The following UBTD1 variants were observed in gnomAD, a reference collection of about 807,000 sequenced individuals.
The protein encoded by UBTD1 is ubiquitin domain-containing protein 1.
UBTD1 carries 19 observed loss-of-function variants against 21.7 expected under a neutral mutation model. That is an observed-to-expected ratio of 0.87 (90% CI 0.61 to 1.28). UBTD1 has a LOEUF of 1.28. Ranked by LOEUF, UBTD1 falls within the 50% of genes most tolerant of loss-of-function variation. The pLI is 0.00. For synonymous variants in UBTD1, 116 were observed against 135.1 expected (o/e 0.86, Z 0.98); for missense variants, 282 against 315.1 (o/e 0.89, Z 0.80).
At chr10:97,538,524 T>G (rs914385462) in intron 1 of UBTD1, among the ~76,000 whole-genome samples, 1 of 152,208 alleles carries the variant, frequency 6.6e-6, no homozygotes, top group Non-Finnish European at 1.5e-5. Context: ...CTTGTGTGTA[T>G]CATTTGTGTG....
intron 1 of UBTD1, among the ~76,000 whole-genome samples, chr10:97,529,651 A>T (rs2040518299): frequency 6.6e-6 from 1 of 152,064 alleles, no homozygotes; most frequent in Non-Finnish European, 1.5e-5. Flanking sequence ...AGGCTGAGGC[A>T]GGAGAATCAG....
chr10:97,558,124 C>G (rs2040673735), intron 1 of UBTD1, among the ~76,000 whole-genome samples: 1 of 151,740 alleles, frequency 6.6e-6, no homozygotes, highest in African/African-American at 2.4e-5. Flanking sequence ...CGAAGCTGCT[C>G]CCATCCACGT....
intron 1 of UBTD1, among the ~76,000 whole-genome samples, chr10:97,530,590 G>A (rs937962699): frequency 1.3e-5 from 2 of 152,102 alleles, no homozygotes; most frequent in Non-Finnish European, 2.9e-5. Context: ...CGATTTCTAA[G>A]GATAGAACCT....
In UBTD1 at chr10:97,557,402, A is replaced by G. The variant is rs1307105206; in HGVS notation, c.71-10512A>G. Among the ~76,000 whole-genome samples the G allele has an allele frequency of 2.6e-5, 4 of 152,164 alleles. No individual in the cohort carries two copies. In the East Asian group the frequency reaches 7.7e-4, roughly 29 times the overall value. ...AGGGGTTTGTGATTATCAATTCTAA[A>G]AGGTTGCAGCTCCCACTCGTGCAGG... On this transcript the variant is annotated intron_variant, in intron 1 of 2. Transcript: ENST00000370664.
At chr10:97,548,752 G>C (rs1405827746) in intron 1 of UBTD1, among the ~76,000 whole-genome samples, 2 of 152,212 alleles carry the variant, frequency 1.3e-5, no homozygotes, top group Non-Finnish European at 2.9e-5. Flanking sequence ...ACTCTGGTCT[G>C]GGCAACAGAG....
At chr10:97,511,803 G>A (rs1413447011) in intron 1 of UBTD1, among the ~76,000 whole-genome samples, 1 of 152,130 alleles carries the variant, frequency 6.6e-6, no homozygotes, top group Non-Finnish European at 1.5e-5. Flanking sequence ...CTCCTACCAT[G>A]TGTGTGGTAG....
chr10:97,514,324 G>C (rs2040434731), intron 1 of UBTD1, among the ~76,000 whole-genome samples: 1 of 152,068 alleles, frequency 6.6e-6, no homozygotes, highest in Non-Finnish European at 1.5e-5. Context: ...AATTTCTCCT[G>C]AATTGTCTCA....
At chr10:97,538,702 TGA>T (rs2040574403) in intron 1 of UBTD1, among the ~76,000 whole-genome samples, 1 of 152,236 alleles carries the variant, frequency 6.6e-6, no homozygotes, top group East Asian at 1.9e-4. Flanking sequence ...TGTGGGCTTA[TGA>T]GAGTCTCTTC....
intron 1 of UBTD1, among the ~76,000 whole-genome samples, chr10:97,553,400 G>A (rs2040649640): frequency 7.9e-5 from 12 of 152,162 alleles, no homozygotes; most frequent in Admixed American, 7.9e-4. Flanking sequence ...AAAAGTGCTG[G>A]GATTACAGGC....
chr10:97,544,276 A>T (rs2135676606), intron 1 of UBTD1, among the ~76,000 whole-genome samples: 1 of 136,654 alleles, frequency 7.3e-6, no homozygotes, highest in Non-Finnish European at 1.6e-5. Context: ...CTGGGTGACG[A>T]GAGAAACTCT....
intron 1 of UBTD1, among the ~76,000 whole-genome samples, chr10:97,548,612 C>T (rs1406197204): frequency 6.6e-6 from 1 of 152,108 alleles, no homozygotes; most frequent in Non-Finnish European, 1.5e-5. Context: ...CCTGGCCCAT[C>T]TCTACTAAAA....
rs1210798639 is a variant in UBTD1, at chr10:97,499,080, C to G, written c.-124C>G. On this transcript the variant is annotated 5_prime_UTR_variant, in exon 1 of 3. Transcript: ENST00000370664. ...CCATCGCTGGGGCTGAGCGCGCCCC[C>G]GGGGGGAGATCGGGGAGCGCCCGAT... The G allele has an allele frequency of 1.3e-5, 15 of 1,133,746 alleles. No homozygotes were observed. The highest frequency in any genetic ancestry group is 1.6e-5 in the South Asian group (1 of 61,372). The allele number at this position is 1,133,746 out of a possible 1,614,324, so 70.2% of individuals were successfully genotyped here.
rs1465971507 is a variant in UBTD1 at position 97,570,549 on chromosome 10, G to A, written c.*26G>A. 3 of 1,565,486 alleles carry A rather than the reference G, an allele frequency of 1.9e-6. No individual in the cohort carries two copies. In the Admixed American group the frequency reaches 5.3e-5, roughly 27 times the overall value. ...TGGGCCCACGGACCCCTGGGAAGAG[G>A]CCCCGCCTGGAGCACTAGGCCCCCA... On this transcript the variant is annotated 3_prime_UTR_variant, in exon 3 of 3. Coordinates refer to ENST00000370664, the MANE Select transcript of UBTD1 (RefSeq NM_024954.5). This position sits in a 1 kb window ranked among gnomAD's most constrained non-coding sequence, Gnocchi z 6.6.
chr10:97,539,852 G>A (rs1057071237), intron 1 of UBTD1, among the ~76,000 whole-genome samples: 49 of 152,158 alleles, frequency 3.2e-4, no homozygotes, highest in African/African-American at 1.1e-3. Context: ...AACTCCTAGA[G>A]GCAGCTCTGT....
chr10:97,551,477 G>A (rs1228650874), intron 1 of UBTD1, among the ~76,000 whole-genome samples: 3 of 152,136 alleles, frequency 2.0e-5, no homozygotes, highest in Admixed American at 6.5e-5. Context: ...CTGCCTCCCC[G>A]TGCAGGTTGT....
chr10:97,567,900 T>C lies in UBTD1; in HGVS notation c.71-14T>C, dbSNP rs1187251857. On this transcript the variant is annotated splice_polypyrimidine_tract_variant and intron_variant, in intron 1 of 2. Transcript: ENST00000370664. ...GCTTTAGAGATGCTGAGCCTCTCCT[T>C]CTGTCCTGCCCAGGACGCAATGAGC... 1.2e-6 allele frequency: 2 copies of C among 1,613,866 alleles called. No individual in the cohort carries two copies. The highest frequency in any genetic ancestry group is 8.5e-7 in the Non-Finnish European group (1 of 1,179,896).
In UBTD1 at chr10:97,567,802, G is replaced by A. The variant is rs2040724920; in HGVS notation, c.71-112G>A. The A allele has an allele frequency of 3.0e-6, 3 of 992,602 alleles. No homozygotes were observed. In the East Asian group the frequency reaches 7.9e-5, roughly 26 times the overall value. The allele number at this position is 992,602 out of a possible 1,614,324, so 61.5% of individuals were successfully genotyped here. On this transcript the variant is annotated intron_variant, in intron 1 of 2. Coordinates refer to ENST00000370664, the MANE Select transcript of UBTD1 (RefSeq NM_024954.5). ...GCTTCAAAGACCTGAATACTTAGTAGCCAGTGCAGCAGGGTTTCAGGGTCT... is the reference window on the plus strand; with the variant it reads ...GCTTCAAAGACCTGAATACTTAGTAACCAGTGCAGCAGGGTTTCAGGGTCT...
intron 1 of UBTD1, among the ~76,000 whole-genome samples, chr10:97,553,018 A>G (rs562824782): frequency 1.3e-5 from 2 of 152,380 alleles, no homozygotes; most frequent in East Asian, 3.9e-4. Context: ...AAAGAGATGG[A>G]CATTTTTAAG....
At chr10:97,569,918 G>GAA (rs373628847) in intron 2 of UBTD1, among the ~76,000 whole-genome samples, 1 of 125,524 alleles carries the variant, frequency 8.0e-6, no homozygotes, top group Non-Finnish European at 1.7e-5. Flanking sequence ...TGTCTCAAAA[G>GAA]AAAAAAAAAA....
Sources: allele counts gnomAD v4.1 joint callset (sites outside exome capture counted in the v4.1 genomes callset), GRCh38; gene constraint gnomAD v4.1.1; non-coding constraint Gnocchi (gnomAD v3.1); transcripts MANE v1.5; gene names NCBI Gene and HGNC (gene_info 2026-07-23, HGNC 2026-07-21).